The following RYR2 variants were observed in gnomAD, a reference collection of about 807,000 sequenced individuals.
The protein encoded by RYR2 is cardiac muscle ryanodine receptor-calcium release channel.
RYR2 carries 227 observed loss-of-function variants against 601.1 expected under a neutral mutation model. That is an observed-to-expected ratio of 0.38 (90% CI 0.34 to 0.42). RYR2 has a LOEUF of 0.42. RYR2 is among the 10% of genes least tolerant of loss of function. RYR2 has a pLI of 1.00. For synonymous variants in RYR2, 2,223 were observed against 2,175.1 expected (o/e 1.02, Z -0.61); for missense variants, 4,646 against 6,156.5 (o/e 0.75, Z 8.21).
intron 41 of RYR2, among the ~76,000 whole-genome samples, chr1:237,629,927 A>T (rs920068796): frequency 6.6e-6 from 1 of 152,172 alleles, no homozygotes; most frequent in Admixed American, 6.5e-5. Context: ...GAGGGAAAGC[A>T]AAAAAGCCAA....
chr1:237,179,210 C>T (rs1239766856), intron 1 of RYR2, among the ~76,000 whole-genome samples: 2 of 151,038 alleles, frequency 1.3e-5, no homozygotes, highest in African/African-American at 5.0e-5. Context: ...TATGTTGTTT[C>T]AGTCATCTTC....
At chr1:237,659,395 G>T (rs894223427) in intron 54 of RYR2, among the ~76,000 whole-genome samples, 8 of 152,148 alleles carry the variant, frequency 5.3e-5, no homozygotes, top group African/African-American at 1.9e-4. Context: ...AGGCAGACAA[G>T]AAATTATATA....
chr1:237,493,986 G>GA (rs1311214973), intron 19 of RYR2, among the ~76,000 whole-genome samples: 4 of 151,958 alleles, frequency 2.6e-5, no homozygotes, highest in Non-Finnish European at 5.9e-5. Flanking sequence ...TTTTATAGAC[G>GA]AAAAAACTGG....
intron 1 of RYR2, among the ~76,000 whole-genome samples, chr1:237,097,578 C>T (rs963847762): frequency 3.3e-5 from 5 of 152,120 alleles, no homozygotes; most frequent in Admixed American, 6.5e-5. Context: ...CTCATGACAC[C>T]ATCTTCCAGT....
chr1:237,361,237 A>C (rs747012055), intron 4 of RYR2, among the ~76,000 whole-genome samples: 4 of 152,100 alleles, frequency 2.6e-5, no homozygotes, highest in Non-Finnish European at 5.9e-5. Context: ...ATTGTTGTTA[A>C]TTTTTTTATT....
At chr1:237,321,367 G>C (rs1695614565) in intron 2 of RYR2, among the ~76,000 whole-genome samples, 1 of 152,124 alleles carries the variant, frequency 6.6e-6, no homozygotes, top group Admixed American at 6.5e-5. Context: ...TCTGCTTGGA[G>C]TTTCTAGATT....
intron 90 of RYR2, among the ~76,000 whole-genome samples, chr1:237,785,487 T>G (rs1404645335): frequency 3.3e-5 from 5 of 152,182 alleles, no homozygotes; most frequent in Admixed American, 3.3e-4. Context: ...GTCACTGCCT[T>G]CAAATTACCT....
chr1:237,271,344 A>T (rs751390502), intron 2 of RYR2, among the ~76,000 whole-genome samples: 1 of 152,204 alleles, frequency 6.6e-6, no homozygotes, highest in Non-Finnish European at 1.5e-5. Context: ...TCTTTGCCTA[A>T]AAGAGAATGG....
intron 23 of RYR2, among the ~76,000 whole-genome samples, chr1:237,508,734 CTTTTTTTTT>C (rs869044432): frequency 7.5e-4 from 58 of 77,676 alleles, no homozygotes; most frequent in African/African-American, 1.9e-3. Context: ...TTCGGGTTTT[CTTTTTTTTT>C]TTTTTTTTTT....
chr1:237,154,308 C>T (rs575474594), intron 1 of RYR2, among the ~76,000 whole-genome samples: 4 of 152,262 alleles, frequency 2.6e-5, no homozygotes, highest in East Asian at 1.9e-4. Context: ...CAATGATAAG[C>T]GTGTGATTCA....
intron 17 of RYR2, among the ~76,000 whole-genome samples, 187 bp from the exon 18 acceptor site, chr1:237,491,619 A>G (rs1327775260): frequency 6.6e-6 from 1 of 152,132 alleles, no homozygotes; most frequent in Non-Finnish European, 1.5e-5. Context: ...TGATGTCTTC[A>G]TCTTTGGATA....
intron 35 of RYR2, among the ~76,000 whole-genome samples, chr1:237,605,263 T>G (rs950446733): frequency 6.6e-6 from 1 of 152,150 alleles, no homozygotes; most frequent in African/African-American, 2.4e-5. Flanking sequence ...CAAGGCTGGT[T>G]CAACATACAC....
chr1:237,822,569 A>G (rs1039234283), intron 101 of RYR2, among the ~76,000 whole-genome samples: 1 of 152,250 alleles, frequency 6.6e-6, no homozygotes, highest in African/African-American at 2.4e-5. Context: ...CAGCCACTGC[A>G]AAAACATACC....
chr1:237,312,696 A>G (rs1043378676), intron 2 of RYR2, among the ~76,000 whole-genome samples: 4 of 152,234 alleles, frequency 2.6e-5, no homozygotes, highest in Non-Finnish European at 5.9e-5. Context: ...AGAATTTCCT[A>G]ATCAAATAAA....
intron 1 of RYR2, among the ~76,000 whole-genome samples, chr1:237,223,414 A>T (rs1684036959): frequency 6.6e-6 from 1 of 152,210 alleles, no homozygotes. Context: ...TCACATTGTA[A>T]AATACATGAA....
intron 24 of RYR2, among the ~76,000 whole-genome samples, chr1:237,523,394 A>G (rs189587540): frequency 6.6e-6 from 1 of 152,344 alleles, no homozygotes. Flanking sequence ...GAATATATAT[A>G]GAAATCTTAT....
At chr1:237,078,667 G>C (rs1334478372) in intron 1 of RYR2, among the ~76,000 whole-genome samples, 58 of 109,954 alleles carry the variant, frequency 5.3e-4, no homozygotes, top group South Asian at 3.8e-3. Flanking sequence ...TCCAGGACCA[G>C]ATGGATTCAC....
Position 237,374,747 on chromosome 1 carries a change from T to G in RYR2, c.415T>G (p.Ser139Ala), listed in dbSNP as rs1355206805. The G allele has an allele frequency of 6.2e-7, 1 of 1,613,060 alleles. No homozygotes were observed. Residue 139 changes from serine (S) to alanine (A), a missense_variant, in exon 7 of 105, where the codon TCA becomes GCA. Coordinates refer to ENST00000366574, the MANE Select transcript of RYR2 (RefSeq NM_001035.3). ...YLCCLSTSRS[S>A]TDKLAFDVGL... ...GTGCTGCCTGTCCACCTCCCGGTCT[T>G]CAACTGATAAGCTGGCTTTTGATGT...
chr1:237,248,918 C>T (rs73123341), intron 1 of RYR2, among the ~76,000 whole-genome samples: 2,939 of 152,086 alleles, frequency 0.019, 95 homozygotes, highest in African/African-American at 0.066. Context: ...TGCGCCACCA[C>T]GTCCGGCTAA....
Sources: gnomAD v4.1 joint callset for allele counts (sites outside exome capture counted in the v4.1 genomes callset) on GRCh38, gnomAD v4.1.1 for gene constraint, MANE v1.5 for transcripts, NCBI Gene and HGNC (gene_info 2026-07-23, HGNC 2026-07-21) for gene names.